The following INPP4B variants were observed in gnomAD, a reference collection of about 807,000 sequenced individuals.
The protein encoded by INPP4B is inositol polyphosphate-4-phosphatase type II B.
In INPP4B, 55 loss-of-function variants were observed where a neutral mutation model predicts 122.5. The observed-to-expected ratio is 0.45, with a 90% confidence interval of 0.36 to 0.56. INPP4B has a LOEUF of 0.56. INPP4B is among the 20% of genes least tolerant of loss of function. The pLI is 0.00. For missense variants in INPP4B, 1,000 were observed against 1,097.7 expected (o/e 0.91, Z 1.26); for synonymous variants, 403 against 388.7 (o/e 1.04, Z -0.43).
At chr4:142,229,927 C>G (rs1853422895) in intron 12 of INPP4B, among the ~76,000 whole-genome samples, 2 of 152,044 alleles carry the variant, frequency 1.3e-5, no homozygotes, top group South Asian at 2.1e-4. Context: ...TTAAACCAAG[C>G]CTGAGGAGAA....
At chr4:142,487,458 T>G (rs1351507523) in intron 2 of INPP4B, among the ~76,000 whole-genome samples, 1 of 152,146 alleles carries the variant, frequency 6.6e-6, no homozygotes, top group Non-Finnish European at 1.5e-5. Context: ...CTATATAAAT[T>G]TAGTATTAGC....
intron 2 of INPP4B, among the ~76,000 whole-genome samples, chr4:142,628,646 G>A (rs75089162): frequency 0.026 from 3,931 of 151,012 alleles, 68 homozygotes; most frequent in Middle Eastern, 0.09. Flanking sequence ...CCATGGATGC[G>A]TAGGTTATTT....
At chr4:142,232,725 C>T (rs1323913237) in intron 12 of INPP4B, among the ~76,000 whole-genome samples, 1 of 152,076 alleles carries the variant, frequency 6.6e-6, no homozygotes, top group Non-Finnish European at 1.5e-5. Flanking sequence ...GAAAGTTAGG[C>T]CTCTTGTGCC....
intron 1 of INPP4B, among the ~76,000 whole-genome samples, chr4:142,829,696 G>A (rs1386530414): frequency 2.0e-5 from 3 of 152,158 alleles, no homozygotes; most frequent in African/African-American, 7.2e-5. Context: ...AAGAAAAACT[G>A]TCAAGTTGAA....
chr4:142,652,146 A>C (rs1483349931), intron 2 of INPP4B, among the ~76,000 whole-genome samples: 1 of 152,230 alleles, frequency 6.6e-6, no homozygotes, highest in Non-Finnish European at 1.5e-5. Context: ...TAGATGCAGA[A>C]AAGGCCTTCG....
At chr4:142,828,404 G>A (rs1396582760) in intron 1 of INPP4B, among the ~76,000 whole-genome samples, 1 of 152,068 alleles carries the variant, frequency 6.6e-6, no homozygotes, top group Non-Finnish European at 1.5e-5. Context: ...GAAATCTGTT[G>A]ATCTCTACCA....
intron 1 of INPP4B, among the ~76,000 whole-genome samples, chr4:142,727,193 A>G (rs760031516): frequency 5.9e-5 from 9 of 152,190 alleles, no homozygotes; most frequent in Non-Finnish European, 1.0e-4. Context: ...CAGTATTTCA[A>G]GAAGATTAGT....
chr4:142,481,653 G>A (rs1032842724), intron 2 of INPP4B, among the ~76,000 whole-genome samples: 2 of 152,048 alleles, frequency 1.3e-5, no homozygotes, highest in East Asian at 3.8e-4. Flanking sequence ...ATATTGGCAT[G>A]TGGCTAGGTA....
At chr4:142,362,080 G>C (rs1197459156) in intron 7 of INPP4B, among the ~76,000 whole-genome samples, 1 of 151,948 alleles carries the variant, frequency 6.6e-6, no homozygotes, top group Admixed American at 6.6e-5. Flanking sequence ...TTAGAGGAGA[G>C]AGAGAGATCC....
chr4:142,117,081 G>C (rs948965029), intron 21 of INPP4B, among the ~76,000 whole-genome samples: 12 of 151,964 alleles, frequency 7.9e-5, no homozygotes, highest in African/African-American at 2.2e-4. Flanking sequence ...ATAAATTCCT[G>C]GACACATATA....
At chr4:142,833,153 C>T (rs1297908494) in intron 1 of INPP4B, among the ~76,000 whole-genome samples, 1 of 150,954 alleles carries the variant, frequency 6.6e-6, no homozygotes, top group Non-Finnish European at 1.5e-5. Context: ...TAGGGAATGG[C>T]GGAGACCATG....
intron 2 of INPP4B, among the ~76,000 whole-genome samples, chr4:142,624,376 G>C (rs951935155): frequency 4.6e-5 from 7 of 151,544 alleles, no homozygotes; most frequent in Non-Finnish European, 1.0e-4. Flanking sequence ...CTTTTGAGAA[G>C]TGTCTGTTCA....
intron 18 of INPP4B, among the ~76,000 whole-genome samples, chr4:142,136,288 C>A (rs1305436177): frequency 6.6e-6 from 1 of 152,196 alleles, no homozygotes; most frequent in Non-Finnish European, 1.5e-5. Flanking sequence ...GAGAACCCTG[C>A]AGAACTGCAA....
At chr4:142,303,819 T>C (rs758102338) in intron 9 of INPP4B, among the ~76,000 whole-genome samples, 15 of 152,152 alleles carry the variant, frequency 9.9e-5, no homozygotes, top group Non-Finnish European at 1.8e-4. Context: ...TTTGTCTTGT[T>C]TTCATCTAAA....
chr4:142,769,828 C>T (rs1261736516), intron 1 of INPP4B, among the ~76,000 whole-genome samples: 1 of 151,976 alleles, frequency 6.6e-6, no homozygotes, highest in Non-Finnish European at 1.5e-5. Context: ...GTGGGAGGAT[C>T]GCTTGAGCCA....
intron 25 of INPP4B, among the ~76,000 whole-genome samples, chr4:142,040,319 C>G (rs1746591263): frequency 6.6e-6 from 1 of 152,096 alleles, no homozygotes; most frequent in African/African-American, 2.4e-5. Context: ...AAAGATTCTC[C>G]TGTATTGAGT....
intron 2 of INPP4B, among the ~76,000 whole-genome samples, chr4:142,481,443 C>T (rs999230696): frequency 3.9e-5 from 6 of 152,070 alleles, no homozygotes; most frequent in Non-Finnish European, 8.8e-5. Context: ...AGGAATCCCT[C>T]TAATGAGACT....
intron 7 of INPP4B, among the ~76,000 whole-genome samples, chr4:142,382,117 T>A (rs1395384670): frequency 6.6e-6 from 1 of 152,170 alleles, no homozygotes; most frequent in Non-Finnish European, 1.5e-5. Context: ...TATGTTAAAT[T>A]TATGCATTGA....
chr4:142,841,041 T>G (rs188555983), intron 1 of INPP4B, among the ~76,000 whole-genome samples: 2 of 152,178 alleles, frequency 1.3e-5, no homozygotes, highest in Admixed American at 1.3e-4. Flanking sequence ...ATTTTTACTT[T>G]TTTAAAAAAA....
Sources: allele counts gnomAD v4.1 joint callset (sites outside exome capture counted in the v4.1 genomes callset), GRCh38; gene constraint gnomAD v4.1.1; transcripts MANE v1.5; gene names NCBI Gene and HGNC (gene_info 2026-07-23, HGNC 2026-07-21).